The following ADAM20 variants were observed in gnomAD, a reference collection of about 807,000 sequenced individuals.
ADAM20 encodes the protein ADAM metallopeptidase domain 20.
For synonymous variants in ADAM20, 305 were observed against 310.2 expected (o/e 0.98, Z 0.18); for missense variants, 871 against 883.2 (o/e 0.99, Z 0.18).
chr14:70,525,302 G>C (rs1176134932), intron 1 of ADAM20, among the ~76,000 whole-genome samples: 1 of 151,994 alleles, frequency 6.6e-6, no homozygotes, highest in African/African-American at 2.4e-5. Context: ...CACCCTCAAA[G>C]TCCTAGACTC....
chr14:70,544,974 T>TTG, the ADAM20 span, among the ~76,000 whole-genome samples: 1 of 152,150 alleles, frequency 6.6e-6, no homozygotes, highest in South Asian at 2.1e-4. Context: ...AAAACAAAAA[T>TTG]TGTAAGTATT....
chr14:70,549,156 G>A, the ADAM20 span, among the ~76,000 whole-genome samples: 14 of 93,494 alleles, frequency 1.5e-4, no homozygotes, highest in Admixed American at 3.7e-4. Context: ...TGAAGGAAGC[G>A]CTAAACATGG....
At chr14:70,563,551 C>T in the ADAM20 span, among the ~76,000 whole-genome samples, 5 of 152,168 alleles carry the variant, frequency 3.3e-5, no homozygotes, top group Non-Finnish European at 5.9e-5. Context: ...CATTTGTCCC[C>T]GCCTGCAACT....
Position 70,522,593 on chromosome 14 carries a change from TCTTTA to T in ADAM20, c.2160_2164del (p.Ser720ArgfsTer3). On this transcript the variant is annotated frameshift_variant, in exon 2 of 2. Transcript: ENST00000256389. LOFTEE classifies it low-confidence loss of function (END_TRUNC). ...CCATTTCTCTTATCCTTCTTCATCT[TCTTTA>T]CTTTTTGTGCGTTTCTTAAAAAGCA... The T allele has an allele frequency of 6.2e-7, 1 of 1,607,896 alleles. No individual in the cohort carries two copies. The highest frequency in any genetic ancestry group is 8.5e-7 in the Non-Finnish European group (1 of 1,177,262).
chr14:70,566,694 G>A, the ADAM20 span, among the ~76,000 whole-genome samples: 7 of 152,214 alleles, frequency 4.6e-5, no homozygotes, highest in East Asian at 3.9e-4. Context: ...AAAAGTAGGC[G>A]GGAGGCCGGG....
chr14:70,558,489 G>A, the ADAM20 span, among the ~76,000 whole-genome samples: 26,399 of 150,674 alleles, frequency 0.18, 3,384 homozygotes, highest in East Asian at 0.49. Flanking sequence ...ATGTATGAAT[G>A]TGTGTGTGTG....
rs1486003128 is a variant in ADAM20, at chr14:70,522,374, C to T, written c.*203G>A. The T allele has an allele frequency of 1.9e-6, 1 of 520,134 alleles. No individual in the cohort carries two copies. Among genetic ancestry groups the T allele is most frequent in the African/African-American group, 1.9e-5 (1 of 51,292 alleles). The allele number at this position is 520,134 out of a possible 1,614,324, so 32.2% of individuals were successfully genotyped here. ...AGACACAACTTCTGGGAAAAGGAAC[C>T]TTTAATATTGCTTAAGACACTGTAG... On this transcript the variant is annotated 3_prime_UTR_variant, in exon 2 of 2. Transcript: ENST00000256389.
intron 1 of ADAM20, among the ~76,000 whole-genome samples, chr14:70,528,454 CTTTA>C (rs1467647378): frequency 1.3e-5 from 2 of 152,112 alleles, no homozygotes; most frequent in African/African-American, 2.4e-5. Context: ...TAACTGGATA[CTTTA>C]TTTCTTTTCA....
rs766762492 is a variant in ADAM20, at chr14:70,523,163, T to C, written c.1595A>G (p.Gln532Arg). ...DARSASQSCY[Q>R]EINTQGNRFG... ...ACGGTTTCCTTGGGTGTTGATTTCTTGGTAGCAACTCTGAGATGCACTCCT... is the reference window on the plus strand; with the variant it reads ...ACGGTTTCCTTGGGTGTTGATTTCTCGGTAGCAACTCTGAGATGCACTCCT... The change falls in exon 2 of 2, where the codon CAA (glutamine) becomes CGA (arginine). Residue 532 changes from glutamine to arginine, a missense_variant. Physicochemically the swap from Gln to Arg is conservative, Grantham distance 43. Transcript: ENST00000256389. 1.6e-5 allele frequency: 26 copies of C among 1,613,916 alleles called. No homozygotes were observed. The highest frequency in any genetic ancestry group is 1.6e-4 in the Middle Eastern group (1 of 6,080).
the ADAM20 span, among the ~76,000 whole-genome samples, chr14:70,541,640 A>G: frequency 6.6e-6 from 1 of 152,220 alleles, no homozygotes; most frequent in African/African-American, 2.4e-5. Flanking sequence ...TAAAGGTAAA[A>G]CTTGGCTTAT....
chr14:70,524,415 C>G lies in ADAM20; in HGVS notation c.343G>C (p.Val115Leu), dbSNP rs752652118. The G allele has an allele frequency of 9.9e-6, 16 of 1,613,902 alleles. No individual in the cohort carries two copies. Among genetic ancestry groups the G allele is most frequent in the Non-Finnish European group, 1.3e-5 (15 of 1,179,930 alleles). Residue 115 changes from valine (V) to leucine (L), a missense_variant, in exon 2 of 2, where the codon GTG (valine) becomes CTG (leucine). By Grantham distance (32) the Val-to-Leu change is conservative. Coordinates refer to ENST00000256389, the MANE Select transcript of ADAM20 (RefSeq NM_003814.5). ...IQDDCYYHGY[V>L]EGVPESLVAL... Reference sequence around the variant, plus strand: ...ACCAAGGACTCAGGGACCCCCTCCACATAACCATGGTAGTAGCAGTCATCC... The same window carrying G: ...ACCAAGGACTCAGGGACCCCCTCCAGATAACCATGGTAGTAGCAGTCATCC...
chr14:70,567,539 T>A, the ADAM20 span, among the ~76,000 whole-genome samples: 1 of 152,172 alleles, frequency 6.6e-6, no homozygotes, highest in African/African-American at 2.4e-5. Context: ...CAGAGGTTCT[T>A]CCCACTGGGG....
the ADAM20 span, among the ~76,000 whole-genome samples, chr14:70,575,146 T>C: frequency 9.9e-5 from 15 of 150,848 alleles, no homozygotes; most frequent in African/African-American, 3.4e-4. Flanking sequence ...GTTAACAATA[T>C]TGTATTGTGT....
intron 1 of ADAM20, among the ~76,000 whole-genome samples, chr14:70,532,352 C>A (rs188060904): frequency 1.4e-3 from 209 of 151,994 alleles, no homozygotes; most frequent in African/African-American, 4.9e-3. Context: ...AAAAATAAGA[C>A]CTGAGACTAT....
the ADAM20 span, among the ~76,000 whole-genome samples, chr14:70,563,357 G>A: frequency 6.6e-6 from 1 of 152,142 alleles, no homozygotes. Context: ...GTGTAGAGAT[G>A]ACATCAAGAT....
chr14:70,523,620 T>G lies in ADAM20; in HGVS notation c.1138A>C (p.Ser380Arg). The G allele has an allele frequency of 6.2e-7, 1 of 1,614,076 alleles. No individual in the cohort carries two copies. The highest frequency in any genetic ancestry group is 8.5e-7 in the Non-Finnish European group (1 of 1,179,980). Residue 380 changes from serine to arginine, a missense_variant, in exon 2 of 2, where the codon AGT (serine) becomes CGT (arginine). Transcript: ENST00000256389. Reference sequence around the variant, plus strand: ...GTACTGTCCCAATATTGGGCATAACTGCAGTTGCTAAATTTAGTTGTCACC... The same window carrying G: ...GTACTGTCCCAATATTGGGCATAACGGCAGTTGCTAAATTTAGTTGTCACC... ...RKVTTKFSNCSYAQYWDSTIS... is the reference protein window; with the variant it reads ...RKVTTKFSNCRYAQYWDSTIS...
chr14:70,524,597 C>G lies in ADAM20; in HGVS notation c.161G>C (p.Gly54Ala). The change falls in exon 2 of 2, where the codon GGT becomes GCT. Residue 54 changes from glycine (G) to alanine (A), a missense_variant. Transcript: ENST00000256389. ...GGAGAGCCATCCAGGAGCCTTTGCACCTCTGCCCCTGCTGATCACCTTCAA... is the reference window on the plus strand; with the variant it reads ...GGAGAGCCATCCAGGAGCCTTTGCAGCTCTGCCCCTGCTGATCACCTTCAA... ...IPLKVISRGR[G>A]AKAPGWLSYS... 1 of 1,614,000 alleles carries G rather than the reference C, an allele frequency of 6.2e-7. No homozygotes were observed. Among genetic ancestry groups the G allele is most frequent in the Non-Finnish European group, 8.5e-7 (1 of 1,179,964 alleles).
At chr14:70,550,655 CAAT>C in the ADAM20 span, among the ~76,000 whole-genome samples, 1 of 65,294 alleles carries the variant, frequency 1.5e-5, no homozygotes, top group Non-Finnish European at 2.7e-5. Flanking sequence ...GAAATTGTGG[CAAT>C]AATCAATAGT....
In ADAM20 at chr14:70,522,438, G is replaced by C; in HGVS notation, c.*139C>G. 1.2e-6 allele frequency: 1 copy of C among 847,558 alleles called. No homozygotes were observed. Among genetic ancestry groups the C allele is most frequent in the Non-Finnish European group, 1.8e-6 (1 of 563,550 alleles). 52.5% of individuals were successfully genotyped at this position (847,558 alleles called of 1,614,324 possible). ...AGGCTAGGAATCCTTTGCTGTGATA[G>C]CTAATGCTTGCAATCCTGACATGAA... is the stretch of plus-strand genomic sequence containing the variant. On this transcript the variant is annotated 3_prime_UTR_variant, in exon 2 of 2. Coordinates refer to ENST00000256389, the MANE Select transcript of ADAM20 (RefSeq NM_003814.5).
Sources: gnomAD v4.1 joint callset for allele counts (sites outside exome capture counted in the v4.1 genomes callset) on GRCh38, gnomAD v4.1.1 for gene constraint, MANE v1.5 for transcripts, NCBI Gene and HGNC (gene_info 2026-07-23, HGNC 2026-07-21) for gene names.